Variants in PDZD2 observed in about 807,000 individuals in gnomAD.
The protein encoded by PDZD2 is PDZ domain containing 2.
PDZD2 carries 90 observed loss-of-function variants against 220.7 expected under a neutral mutation model. That is an observed-to-expected ratio of 0.41 (90% CI 0.34 to 0.49). The LOEUF (loss-of-function observed/expected upper bound fraction) is 0.49, where lower values mean the gene tolerates loss of function less well. Among genes scored for constraint, PDZD2 ranks in the 20% least tolerant of loss-of-function variants. The pLI, the probability that PDZD2 is intolerant of heterozygous loss-of-function variation, is 0.28. For synonymous variants in PDZD2, 1,375 were observed against 1,450.5 expected, an observed-to-expected ratio of 0.95 and a Z score of 1.18; for missense variants, 3,174 against 3,608.5, an observed-to-expected ratio of 0.88 and a Z score of 3.08.
intron 1 of PDZD2, among the ~76,000 whole-genome samples, chr5:31,708,193 C>A (rs932238904): frequency 8.5e-5 from 13 of 152,198 alleles, no homozygotes; most frequent in African/African-American, 3.1e-4. Context: ...AAGTCCCTGG[C>A]CCTTTCTGGC....
intron 6 of PDZD2, 42 bp from the exon 7 acceptor site, chr5:32,037,189 G>T: frequency 7.8e-7 from 1 of 1,275,576 alleles, no homozygotes; most frequent in South Asian, 1.2e-5. Context: ...AGTCATCGCA[G>T]GGCTGGGCTC....
In PDZD2 at chr5:32,087,485, C is replaced by A; in HGVS notation, c.4037C>A (p.Thr1346Lys). ...GCTGTCCTGCCAGGAGACCCCCTCA[C>A]ATCCCAGGAGCAGAGACAGGGAGCT... ...AGAVLPGDPL[T>K]SQEQRQGAPG... The change falls in exon 20 of 25, where the codon ACA becomes AAA. Residue 1346 changes from threonine (T) to lysine (K), a missense_variant. Physicochemically the swap from Thr to Lys is moderately conservative, Grantham distance 78. Around this residue, in one of 4 missense-constraint regions of PDZD2, gnomAD observed 1,861 missense variants for 2,001.0 expected, o/e 0.93. Coordinates refer to ENST00000438447, the MANE Select transcript of PDZD2 (RefSeq NM_178140.4). The surrounding 1 kb of genome is among the most constrained non-coding windows in gnomAD (Gnocchi z 4.0). 6.2e-7 allele frequency: 1 copy of A among 1,613,406 alleles called. No homozygotes were observed. Among genetic ancestry groups the A allele is most frequent in the Middle Eastern group, 1.7e-4 (1 of 6,056 alleles).
rs74475890 is a variant in PDZD2 at position 31,925,824 on chromosome 5, G to A, written c.477-57331G>A. ...AAGACAGGAAAAGACATTTCTCAGG[G>A]AAGACATACAAGTGGCCAGCAAACA... On this transcript the variant is annotated intron_variant, in intron 2 of 24. Coordinates refer to ENST00000438447, the MANE Select transcript of PDZD2 (RefSeq NM_178140.4). Among the ~76,000 whole-genome samples the A allele has an allele frequency of 9.5e-3, 1,433 of 151,192 alleles. 21 individuals are homozygous for A. The highest frequency in any genetic ancestry group is 0.031 in the African/African-American group (1,265 of 41,268).
intron 1 of PDZD2, among the ~76,000 whole-genome samples, chr5:31,680,709 A>T (rs1746615664): frequency 6.6e-6 from 1 of 152,074 alleles, no homozygotes; most frequent in African/African-American, 2.4e-5. Context: ...TCTCGTCAGG[A>T]CGTGCGAGCT....
rs1442413038 is a variant in PDZD2 at position 32,074,101 on chromosome 5, G to A, written c.2995G>A (p.Asp999Asn). 2 of 1,614,230 alleles carry A rather than the reference G, an allele frequency of 1.2e-6. No homozygotes were observed. The highest frequency in any genetic ancestry group is 1.7e-6 in the Non-Finnish European group (2 of 1,180,040). The change falls in exon 18 of 25, where the codon GAT becomes AAT. Residue 999 changes from aspartate to asparagine, a missense_variant. Physicochemically the swap from Asp to Asn is conservative, Grantham distance 23 (BLOSUM62 1). This residue lies in a region of PDZD2 where 1,861 missense variants were observed against 2,001.0 expected (regional missense o/e 0.93). Transcript: ENST00000438447. ...LPGPIRPLSEDDPRRVSISSS... is the reference protein window; with the variant it reads ...LPGPIRPLSENDPRRVSISSS... ...GGGTCCCATCAGGCCTCTGTCAGAGGATGACCCGAGGCGTGTCTCAATTTC... is the reference window on the plus strand; with the variant it reads ...GGGTCCCATCAGGCCTCTGTCAGAGAATGACCCGAGGCGTGTCTCAATTTC...
chr5:31,849,912 A>ACACG (rs1561507000), intron 2 of PDZD2, among the ~76,000 whole-genome samples: 9 of 23,884 alleles, frequency 3.8e-4, no homozygotes, highest in East Asian at 1.5e-3. Flanking sequence ...ATACATATAT[A>ACACG]TATATACATA....
At position 31,862,101 on chromosome 5, in the gene PDZD2, G is replaced by GTTGTTT. The variant is rs768772887; in HGVS notation, c.476+62379_476+62380insGTTTTT. 1.5e-3 allele frequency among the ~76,000 whole-genome samples: 116 copies of GTTGTTT among 78,490 alleles called. 6 individuals carry two copies. Among genetic ancestry groups the GTTGTTT allele is most frequent in the Non-Finnish European group, 1.8e-3 (74 of 40,890 alleles). 51.5% of individuals were successfully genotyped at this position (78,490 alleles called of 152,430 possible). A position where few individuals can be genotyped will look rare whatever the true frequency, so the allele number is the denominator to read the frequency against. On this transcript the variant is annotated intron_variant, in intron 2 of 24. Coordinates refer to ENST00000438447, the MANE Select transcript of PDZD2 (RefSeq NM_178140.4). ...AATAGACTCAATGTTTTTTTTTTGG[G>GTTGTTT]TTTTTTTTTTTTTTTTTTTTTTGAG...
chr5:32,078,606 T>C (rs535998893), intron 19 of PDZD2, among the ~76,000 whole-genome samples: 49 of 135,772 alleles, frequency 3.6e-4, no homozygotes, highest in African/African-American at 1.3e-3. Flanking sequence ...CACTCCAGCC[T>C]GGGCTATACA....
At chr5:32,025,591 C>CTGTTTTTTTTTTTTTTTTTTTTTTTTT in intron 6 of PDZD2, among the ~76,000 whole-genome samples, 1 of 67,524 alleles carries the variant, frequency 1.5e-5, no homozygotes, top group Admixed American at 2.2e-4. Context: ...AACCATGATG[C>CTGTTTTTTTTTTTTTTTTTTTTTTTTT]TTTTTTTTTT....
intron 14 of PDZD2, among the ~76,000 whole-genome samples, chr5:32,065,378 T>C (rs980838495): frequency 7.2e-5 from 11 of 152,184 alleles, no homozygotes; most frequent in African/African-American, 2.7e-4. Flanking sequence ...TGTTGCTTAA[T>C]TACATCCTAA....
intron 2 of PDZD2, among the ~76,000 whole-genome samples, chr5:31,978,647 G>A (rs916981064): frequency 2.7e-5 from 4 of 150,136 alleles, no homozygotes; most frequent in African/African-American, 4.9e-5. Context: ...CCCGGGAGGC[G>A]GAGTTGGCAG....
At chr5:31,810,028 T>C (rs1754996339) in intron 2 of PDZD2, among the ~76,000 whole-genome samples, 1 of 152,200 alleles carries the variant, frequency 6.6e-6, no homozygotes, top group South Asian at 2.1e-4. Context: ...TCGGGAATTG[T>C]AATGGTAATT....
chr5:31,887,759 G>C (rs963929597), intron 2 of PDZD2, among the ~76,000 whole-genome samples: 1 of 151,964 alleles, frequency 6.6e-6, no homozygotes, highest in South Asian at 2.1e-4. Flanking sequence ...AGGGTTGCCT[G>C]TGCATGCCCT....
chr5:31,846,540 T>C (rs1028721225), intron 2 of PDZD2, among the ~76,000 whole-genome samples: 2 of 152,168 alleles, frequency 1.3e-5, no homozygotes, highest in Non-Finnish European at 2.9e-5. Flanking sequence ...CAATCAACAT[T>C]TACTGAATAC....
intron 1 of PDZD2, among the ~76,000 whole-genome samples, chr5:31,691,470 C>CTGGCGCCACCTGCTTTTATTCTCTCAT (rs1428864599): frequency 8.6e-6 from 1 of 116,876 alleles, no homozygotes; most frequent in East Asian, 2.4e-4. Context: ...TATTCTCTTA[C>CTGGCGCCACCTGCTTTTATTCTCTCAT]CTGGCGCCAC....
intron 1 of PDZD2, among the ~76,000 whole-genome samples, chr5:31,714,108 C>G (rs1282360894): frequency 6.6e-6 from 1 of 152,176 alleles, no homozygotes; most frequent in African/African-American, 2.4e-5. Context: ...AAGATTTGAA[C>G]CTATTGAATT....
At chr5:31,727,761 C>CTG (rs1423670130) in intron 1 of PDZD2, among the ~76,000 whole-genome samples, 1 of 148,952 alleles carries the variant, frequency 6.7e-6, no homozygotes, top group East Asian at 2.0e-4. Flanking sequence ...CCAACACTTC[C>CTG]GGAGGCCGAG....
At chr5:31,664,795 G>A (rs1240086449) in intron 1 of PDZD2, 3 of 152,184 alleles carry the variant, frequency 2.0e-5, no homozygotes, top group Non-Finnish European at 4.4e-5. Flanking sequence ...GTGATTCAGG[G>A]ACTCAGATTC....
At chr5:31,854,922 G>C (rs1252491827) in intron 2 of PDZD2, 6 of 963,134 alleles carry the variant, frequency 6.2e-6, no homozygotes, top group South Asian at 4.8e-5. Flanking sequence ...AGGAGGGGGG[G>C]GTCCTCCCAC....
Sources: allele counts gnomAD v4.1 joint callset (sites outside exome capture counted in the v4.1 genomes callset), GRCh38; gene constraint gnomAD v4.1.1; regional missense constraint gnomAD v4.1.1; non-coding constraint Gnocchi (gnomAD v3.1); transcripts MANE v1.5; gene names NCBI Gene and HGNC (gene_info 2026-07-23, HGNC 2026-07-21).